The following APLF variants were observed in gnomAD, a reference collection of about 807,000 sequenced individuals.
The protein encoded by APLF is aprataxin and PNK-like factor.
APLF carries 61 observed loss-of-function variants against 55.6 expected under a neutral mutation model. The observed-to-expected ratio is 1.10, with a 90% CI of 0.89 to 1.36. The LOEUF is 1.36. APLF is among the 40% of genes most tolerant of loss of function. APLF has a pLI of 0.00. For synonymous variants in APLF, 207 were observed against 214.8 expected, an observed-to-expected ratio of 0.96 and a Z score of 0.32; for missense variants, 611 against 602.5, an observed-to-expected ratio of 1.01 and a Z score of -0.15.
intron 8 of APLF, among the ~76,000 whole-genome samples, chr2:68,558,598 C>A (rs185656980): frequency 2.9e-4 from 44 of 152,254 alleles, no homozygotes; most frequent in Middle Eastern, 3.4e-3. Flanking sequence ...AGTCACTGAT[C>A]TAGGAGCTTA....
At chr2:68,496,263 G>A (rs112686113) in intron 2 of APLF, among the ~76,000 whole-genome samples, 4,001 of 152,114 alleles carry the variant, frequency 0.026, 67 homozygotes, top group South Asian at 0.043. Flanking sequence ...CACCACGCCC[G>A]GCTAATTTTT....
intron 5 of APLF, among the ~76,000 whole-genome samples, chr2:68,519,476 A>G (rs901602946): frequency 1.3e-5 from 2 of 149,574 alleles, no homozygotes; most frequent in South Asian, 2.1e-4. Flanking sequence ...AAAAGGAGTT[A>G]TTTGCAGGGA....
intron 9 of APLF, 88 bp from the exon 10 acceptor site, chr2:68,577,732 G>C: frequency 6.7e-7 from 1 of 1,486,466 alleles, no homozygotes; most frequent in Middle Eastern, 1.8e-4. Context: ...TAATCCTCTG[G>C]ATGCAGAAAG....
At chr2:68,482,773 G>C (rs1329796363) in intron 1 of APLF, among the ~76,000 whole-genome samples, 2 of 152,138 alleles carry the variant, frequency 1.3e-5, no homozygotes, top group South Asian at 2.1e-4. Context: ...CTCATTTGGG[G>C]GTATGGACAC....
At chr2:68,553,625 T>C (rs759731341) in intron 8 of APLF, among the ~76,000 whole-genome samples, 8 of 152,044 alleles carry the variant, frequency 5.3e-5, no homozygotes, top group Non-Finnish European at 8.8e-5. Flanking sequence ...GAAAAAAATA[T>C]TGAAGTTCCA....
intron 6 of APLF, among the ~76,000 whole-genome samples, chr2:68,535,607 T>G (rs1167667051): frequency 6.6e-6 from 1 of 151,876 alleles, no homozygotes; most frequent in Non-Finnish European, 1.5e-5. Flanking sequence ...TGTGCTCTTT[T>G]TTTTTTTTTT....
chr2:68,518,142 A>T (rs1205848171), intron 5 of APLF, among the ~76,000 whole-genome samples: 9 of 124,814 alleles, frequency 7.2e-5, no homozygotes, highest in Non-Finnish European at 1.4e-4. Context: ...TTAATATATA[A>T]TAATATATTA....
At chr2:68,533,371 T>A (rs914570554) in intron 6 of APLF, among the ~76,000 whole-genome samples, 24 of 152,308 alleles carry the variant, frequency 1.6e-4, no homozygotes, top group African/African-American at 5.5e-4. Flanking sequence ...CTCTTGTAAA[T>A]GACAGAAGGA....
chr2:68,517,114 AATACGTTATTGATCTATAACATATTAAT>A (rs1471871857), intron 5 of APLF, among the ~76,000 whole-genome samples: 2 of 124,888 alleles, frequency 1.6e-5, no homozygotes, highest in Non-Finnish European at 3.1e-5. Context: ...AATATATAAT[AATACGTTATTGATCTATAACATATTAAT>A]ATATGTTATT....
intron 1 of APLF, among the ~76,000 whole-genome samples, chr2:68,476,060 G>A (rs1256734978): frequency 6.6e-6 from 1 of 150,424 alleles, no homozygotes; most frequent in African/African-American, 2.5e-5. Context: ...ATGAAAATTT[G>A]AATTTGTCTA....
At chr2:68,477,768 G>A (rs2103881445) in intron 1 of APLF, among the ~76,000 whole-genome samples, 1 of 152,294 alleles carries the variant, frequency 6.6e-6, no homozygotes, top group East Asian at 1.9e-4. Flanking sequence ...GAAGGCGAAT[G>A]AGGCGCAAAG....
intron 6 of APLF, among the ~76,000 whole-genome samples, chr2:68,526,711 C>T (rs557776714): frequency 5.1e-4 from 78 of 152,268 alleles, no homozygotes; most frequent in African/African-American, 1.6e-3. Context: ...CGTTTCAGGA[C>T]GGAGTCTTGC....
intron 3 of APLF, among the ~76,000 whole-genome samples, chr2:68,510,692 A>G (rs1677022392): frequency 6.6e-6 from 1 of 151,876 alleles, no homozygotes; most frequent in African/African-American, 2.4e-5. Flanking sequence ...AAAAGAATTG[A>G]AAACCTATGT....
chr2:68,559,162 T>C (rs1671097737), intron 8 of APLF, among the ~76,000 whole-genome samples: 1 of 152,118 alleles, frequency 6.6e-6, no homozygotes, highest in African/African-American at 2.4e-5. Flanking sequence ...TGTGAAAACA[T>C]GAAAAATACA....
At chr2:68,569,648 T>C (rs1046505117) in intron 9 of APLF, among the ~76,000 whole-genome samples, 4 of 151,468 alleles carry the variant, frequency 2.6e-5, no homozygotes, top group Non-Finnish European at 4.4e-5. Flanking sequence ...GTGAATACAG[T>C]TTGAATTAGA....
At chr2:68,575,909 A>G (rs1422606993) in intron 9 of APLF, among the ~76,000 whole-genome samples, 1 of 152,108 alleles carries the variant, frequency 6.6e-6, no homozygotes, top group African/African-American at 2.4e-5. Flanking sequence ...TAAGATGTGA[A>G]TTTGGGAATT....
At chr2:68,512,182 T>G (rs1669402362) in intron 3 of APLF, among the ~76,000 whole-genome samples, 1 of 151,642 alleles carries the variant, frequency 6.6e-6, no homozygotes, top group African/African-American at 2.4e-5. Flanking sequence ...CCAAATGTTC[T>G]CTCCTGGCTC....
intron 7 of APLF, among the ~76,000 whole-genome samples, chr2:68,539,347 A>G (rs539895329): frequency 1.3e-5 from 2 of 152,324 alleles, no homozygotes; most frequent in African/African-American, 4.8e-5. Flanking sequence ...GAAGCCCTAG[A>G]TCATGGTGTC....
chr2:68,468,497 T>A (rs1041128542), intron 1 of APLF, among the ~76,000 whole-genome samples: 3 of 152,236 alleles, frequency 2.0e-5, no homozygotes, highest in African/African-American at 7.2e-5. Flanking sequence ...ATTTTTATTA[T>A]CCTCATTGTT....
Sources: allele counts gnomAD v4.1 joint callset (sites outside exome capture counted in the v4.1 genomes callset), GRCh38; gene constraint gnomAD v4.1.1; transcripts MANE v1.5; gene names NCBI Gene and HGNC (gene_info 2026-07-23, HGNC 2026-07-21).